Variants in TLE1 observed in about 807,000 individuals in gnomAD.
TLE1 encodes the protein TLE family member 1, transcriptional corepressor.
In TLE1, 21 loss-of-function variants were observed where a neutral mutation model predicts 89.8. The ratio of observed to expected loss-of-function variants is 0.23; its 90% confidence interval spans 0.17 to 0.34. The LOEUF (loss-of-function observed/expected upper bound fraction) is 0.34. Ranked by LOEUF, TLE1 falls within the 10% of genes least tolerant of loss-of-function variation. The pLI, the probability that TLE1 is intolerant of heterozygous loss-of-function variation, is 1.00. For missense variants in TLE1, 795 were observed against 1,031.2 expected, an observed-to-expected ratio of 0.77 and a Z score of 3.14; for synonymous variants, 447 against 407.6, an observed-to-expected ratio of 1.10 and a Z score of -1.16.
chr9:81,612,179 C>T, intron 12 of TLE1: 1 of 671,894 alleles, frequency 1.5e-6, no homozygotes, highest in Non-Finnish European at 2.1e-6. Flanking sequence ...GGAAGCACAA[C>T]CCACACATTT....
chr9:81,662,361 T>TTGTGTGTGTGTGTGTGTGTGTGTG (rs371936084), intron 4 of TLE1, among the ~76,000 whole-genome samples: 7 of 138,470 alleles, frequency 5.1e-5, no homozygotes, highest in East Asian at 4.3e-4. Context: ...TGTGCCTGTT[T>TTGTGTGTGTGTGTGTGTGTGTGTG]TGTGTGTGTG....
rs1414211078 is a variant in TLE1, at chr9:81,667,257, T to A, written c.235-13221A>T. Among the ~76,000 whole-genome samples the A allele has an allele frequency of 2.0e-5, 3 of 151,194 alleles. No homozygotes were observed. In the East Asian group the frequency reaches 5.8e-4, roughly 29 times the overall value. On this transcript the variant is annotated intron_variant, in intron 4 of 19. Transcript: ENST00000376499. ...GCTAGAAATACAAAAATTAGCTGGG[T>A]GTAGTGGTGCACACCTGTAATCCAG...
chr9:81,675,755 C>T (rs1229686647), intron 4 of TLE1, among the ~76,000 whole-genome samples: 2 of 138,886 alleles, frequency 1.4e-5, no homozygotes, highest in Non-Finnish European at 3.0e-5. Context: ...GGCTGGAGTG[C>T]AGTGGCATGA....
intron 4 of TLE1, among the ~76,000 whole-genome samples, chr9:81,670,967 G>A (rs965661048): frequency 2.0e-5 from 3 of 151,778 alleles, no homozygotes; most frequent in South Asian, 2.1e-4. Flanking sequence ...TCAGGAGTTC[G>A]AGACCAGCCT....
intron 2 of TLE1, 65 bp from the exon 3 acceptor site, chr9:81,685,961 A>G: frequency 2.6e-6 from 4 of 1,560,482 alleles, no homozygotes; most frequent in Admixed American, 1.7e-5. Context: ...TCTGCCTCAC[A>G]TATTTGCACT....
chr9:81,654,621 G>A (rs529199479), intron 4 of TLE1, among the ~76,000 whole-genome samples: 2 of 152,192 alleles, frequency 1.3e-5, no homozygotes, highest in Non-Finnish European at 2.9e-5. Context: ...GATTACAGGC[G>A]TGAGCCACTG....
Position 81,593,010 on chromosome 9 carries a change from T to A in TLE1, c.1581+15A>T. On this transcript the variant is annotated intron_variant, in intron 15 of 19. Transcript: ENST00000376499. ...GGGAGAAATTGCCCTTGTGCACCAG[T>A]TCCTGTTCACTCACCAGACAGTCGA... The A allele has an allele frequency of 1.2e-6, 2 of 1,605,904 alleles. No homozygotes were observed. The highest frequency in any genetic ancestry group is 1.7e-6 in the Non-Finnish European group (2 of 1,173,196).
intron 14 of TLE1, among the ~76,000 whole-genome samples, chr9:81,606,013 T>G (rs1415287471): frequency 6.6e-6 from 1 of 152,018 alleles, no homozygotes; most frequent in Non-Finnish European, 1.5e-5. Flanking sequence ...AACAGACACA[T>G]GAAAAAATGC....
chr9:81,613,614 T>TCTAG (rs1768176724), intron 11 of TLE1, 93 bp from the exon 12 acceptor site: 1 of 1,426,858 alleles, frequency 7.0e-7, no homozygotes, highest in African/African-American at 1.4e-5. Flanking sequence ...CTGGGCACCT[T>TCTAG]CTAGCTACTC....
chr9:81,681,171 C>T (rs545577402), intron 4 of TLE1, among the ~76,000 whole-genome samples: 3 of 152,288 alleles, frequency 2.0e-5, no homozygotes, highest in African/African-American at 7.2e-5. Flanking sequence ...TCACATGGAG[C>T]TCTTTCCCTT....
chr9:81,664,185 G>A (rs183170372), intron 4 of TLE1, among the ~76,000 whole-genome samples: 15 of 151,836 alleles, frequency 9.9e-5, no homozygotes, highest in African/African-American at 3.1e-4. Context: ...CATTTTGGGC[G>A]GGATGGATCA....
chr9:81,654,319 T>C (rs34964149), intron 4 of TLE1, among the ~76,000 whole-genome samples: 22,443 of 152,098 alleles, frequency 0.15, 2,114 homozygotes, highest in Non-Finnish European at 0.22. Flanking sequence ...TCATTTAATA[T>C]GGTGACTATA....
At chr9:81,648,543 A>G (rs1430480608) in intron 6 of TLE1, among the ~76,000 whole-genome samples, 2 of 152,160 alleles carry the variant, frequency 1.3e-5, no homozygotes, top group Non-Finnish European at 2.9e-5. Context: ...GTATCTCTCT[A>G]TATTATCCCT....
intron 5 of TLE1, 88 bp from the exon 6 acceptor site, chr9:81,652,376 A>G (rs1291057904): frequency 1.0e-5 from 11 of 1,080,026 alleles, no homozygotes; most frequent in African/African-American, 3.1e-5. Flanking sequence ...TGCTGTGTGC[A>G]ATGCAGGCTG....
chr9:81,663,772 A>T (rs1423391506), intron 4 of TLE1, among the ~76,000 whole-genome samples: 1 of 151,714 alleles, frequency 6.6e-6, no homozygotes, highest in Non-Finnish European at 1.5e-5. Flanking sequence ...GACTACAGGC[A>T]CCTGCCACCA....
At chr9:81,664,996 CCT>C (rs931655425) in intron 4 of TLE1, among the ~76,000 whole-genome samples, 1 of 152,190 alleles carries the variant, frequency 6.6e-6, no homozygotes, top group African/African-American at 2.4e-5. Context: ...GCTCTGACAC[CCT>C]CTCTCTAATC....
At chr9:81,680,453 G>A (rs369105538) in intron 4 of TLE1, among the ~76,000 whole-genome samples, 2 of 152,300 alleles carry the variant, frequency 1.3e-5, no homozygotes, top group South Asian at 2.1e-4. Flanking sequence ...GTTCCTTGAA[G>A]ATTTTGGGGG....
chr9:81,687,733 C>T (rs1834511179), intron 1 of TLE1, among the ~76,000 whole-genome samples: 1 of 152,056 alleles, frequency 6.6e-6, no homozygotes, highest in Non-Finnish European at 1.5e-5. Context: ...GAAGACCAGG[C>T]CAGATTGTCG....
At chr9:81,620,771 G>C in intron 8 of TLE1, 7 of 980,414 alleles carry the variant, frequency 7.1e-6, no homozygotes, top group Non-Finnish European at 8.5e-6. Context: ...ACCATCCAAA[G>C]CTAGGTGGAT....
Sources: allele counts gnomAD v4.1 joint callset (sites outside exome capture counted in the v4.1 genomes callset), GRCh38; gene constraint gnomAD v4.1.1; transcripts MANE v1.5; gene names NCBI Gene and HGNC (gene_info 2026-07-23, HGNC 2026-07-21).